Variants in MAPK14 observed in about 807,000 individuals in gnomAD.
The protein encoded by MAPK14 is mitogen-activated protein kinase 14.
Under a neutral mutation model 49.6 loss-of-function variants are expected in MAPK14, and 16 were observed. That is an observed-to-expected ratio of 0.32 (90% CI 0.22 to 0.49). The LOEUF (loss-of-function observed/expected upper bound fraction) is 0.49, where lower values mean the gene tolerates loss of function less well. Among genes scored for constraint, MAPK14 ranks in the 20% least tolerant of loss-of-function variants. MAPK14 has a pLI of 0.99. For missense variants in MAPK14, 200 were observed against 441.2 expected (o/e 0.45, Z 4.90); for synonymous variants, 142 against 158.0 (o/e 0.90, Z 0.76).
At chr6:36,044,539 G>T (rs1019815209) in intron 1 of MAPK14, among the ~76,000 whole-genome samples, 1 of 152,102 alleles carries the variant, frequency 6.6e-6, no homozygotes. Flanking sequence ...TGCCCATCAT[G>T]GAATATAAAC....
intron 8 of MAPK14, among the ~76,000 whole-genome samples, chr6:36,090,142 T>C (rs1180385720): frequency 6.6e-6 from 1 of 152,104 alleles, no homozygotes; most frequent in African/African-American, 2.4e-5. Context: ...TATATATTTT[T>C]TTTTATTTCT....
At chr6:36,123,833 G>A in the MAPK14 span, among the ~76,000 whole-genome samples, 1 of 152,212 alleles carries the variant, frequency 6.6e-6, no homozygotes, top group Non-Finnish European at 1.5e-5. Flanking sequence ...GGGTGGAGTG[G>A]AGGGTGACAT....
chr6:36,042,357 T>C (rs536347427), intron 1 of MAPK14, among the ~76,000 whole-genome samples: 1 of 152,286 alleles, frequency 6.6e-6, no homozygotes, highest in African/African-American at 2.4e-5. Flanking sequence ...ACAAATGTAT[T>C]GCTTTGTCAA....
intron 3 of MAPK14, among the ~76,000 whole-genome samples, chr6:36,061,736 A>G (rs917314857): frequency 1.3e-5 from 2 of 152,208 alleles, no homozygotes; most frequent in African/African-American, 4.8e-5. Flanking sequence ...GCACTTTTGT[A>G]TCCAAGCTAC....
At chr6:36,122,064 C>T in the MAPK14 span, among the ~76,000 whole-genome samples, 1 of 152,254 alleles carries the variant, frequency 6.6e-6, no homozygotes, top group Non-Finnish European at 1.5e-5. Flanking sequence ...TAAGGTCACA[C>T]AGCAAATTAG....
chr6:36,033,880 T>G (rs1333619756), intron 1 of MAPK14, among the ~76,000 whole-genome samples: 2 of 152,190 alleles, frequency 1.3e-5, no homozygotes, highest in East Asian at 3.8e-4. Context: ...TTTTGCAGTT[T>G]ATAAAGTGTT....
chr6:36,028,331 C>A lies in MAPK14; in HGVS notation c.116+58C>A. 1.6e-6 allele frequency: 2 copies of A among 1,220,746 alleles called. No individual in the cohort carries two copies. The highest frequency in any genetic ancestry group is 2.4e-6 in the Non-Finnish European group (2 of 825,852). The allele number at this position is 1,220,746 out of a possible 1,614,324, so 75.6% of individuals were successfully genotyped here. A position where few individuals can be genotyped will look rare whatever the true frequency, so the allele number is the denominator to read the frequency against. On this transcript the variant is annotated intron_variant, in intron 1 of 11. Coordinates refer to ENST00000229794, the MANE Select transcript of MAPK14 (RefSeq NM_139012.3). This position sits in a 1 kb window ranked among gnomAD's most constrained non-coding sequence, Gnocchi z 5.1. ...CAGGGTGGCCCCTCGCGCCCGAGGGCCAGGCCTGCTCCACTGCTCAGCGTT... is the reference window on the plus strand; with the variant it reads ...CAGGGTGGCCCCTCGCGCCCGAGGGACAGGCCTGCTCCACTGCTCAGCGTT...
At chr6:36,039,661 A>G (rs1156945066) in intron 1 of MAPK14, among the ~76,000 whole-genome samples, 2 of 152,082 alleles carry the variant, frequency 1.3e-5, no homozygotes, top group Non-Finnish European at 2.9e-5. Context: ...ACTATACTAG[A>G]TATTTTGTTT....
the MAPK14 span, among the ~76,000 whole-genome samples, chr6:36,123,956 A>G: frequency 6.6e-6 from 1 of 151,788 alleles, no homozygotes; most frequent in Non-Finnish European, 1.5e-5. Context: ...CCGAACCCAG[A>G]AGGCTGGCTG....
intron 3 of MAPK14, among the ~76,000 whole-genome samples, chr6:36,066,569 A>T (rs1764066401): frequency 6.6e-6 from 1 of 152,220 alleles, no homozygotes; most frequent in Non-Finnish European, 1.5e-5. Context: ...ACTGTGTCCG[A>T]AGAAACAAAT....
At chr6:36,114,890 T>A (rs1162833521), downstream of MAPK14, among the ~76,000 whole-genome samples, 1 of 152,174 alleles carries the variant, frequency 6.6e-6, no homozygotes, top group East Asian at 1.9e-4. Flanking sequence ...CAAATCTCAA[T>A]GTGCCTGGTG....
At chr6:36,101,439 A>C (rs994940934) in intron 9 of MAPK14, among the ~76,000 whole-genome samples, 1 of 152,060 alleles carries the variant, frequency 6.6e-6, no homozygotes, top group African/African-American at 2.4e-5. Flanking sequence ...CTGTGTCTCT[A>C]AAAAAATTTT....
chr6:36,086,316 G>T (rs768213212), intron 8 of MAPK14, among the ~76,000 whole-genome samples: 2 of 152,172 alleles, frequency 1.3e-5, no homozygotes, highest in Non-Finnish European at 2.9e-5. Flanking sequence ...GAGTGGAACT[G>T]AAGGAGATAG....
intron 2 of MAPK14, among the ~76,000 whole-genome samples, chr6:36,054,702 T>G (rs907706220): frequency 6.6e-6 from 1 of 152,222 alleles, no homozygotes; most frequent in Non-Finnish European, 1.5e-5. Flanking sequence ...GTTAGGTGCT[T>G]ATAATGTCAA....
chr6:36,095,450 G>A (rs1000494608), intron 8 of MAPK14, among the ~76,000 whole-genome samples: 1 of 152,206 alleles, frequency 6.6e-6, no homozygotes, highest in African/African-American at 2.4e-5. Flanking sequence ...TCAGGCTTTG[G>A]GGTCTCACAG....
At chr6:36,111,588 A>G (rs998070658), downstream of MAPK14, among the ~76,000 whole-genome samples, 1 of 152,180 alleles carries the variant, frequency 6.6e-6, no homozygotes, top group African/African-American at 2.4e-5. Flanking sequence ...GTCCTTGAAA[A>G]TATTCTTCAG....
chr6:36,119,813 G>A, the MAPK14 span, among the ~76,000 whole-genome samples: 6 of 152,244 alleles, frequency 3.9e-5, no homozygotes, highest in Admixed American at 2.0e-4. Flanking sequence ...CAGCAGTGCC[G>A]AGGCTGAGAA....
intron 9 of MAPK14, chr6:36,096,505 C>T (rs1384461368): frequency 6.4e-6 from 1 of 156,684 alleles, no homozygotes; most frequent in Non-Finnish European, 1.4e-5. Context: ...TTTAGTTTAA[C>T]TTAATCACTA....
chr6:36,072,791 C>CA, intron 3 of MAPK14, 82 bp from the exon 4 acceptor site: 1 of 805,762 alleles, frequency 1.2e-6, no homozygotes, highest in Non-Finnish European at 2.0e-6. Flanking sequence ...CCAAAAAAAC[C>CA]AAAAAACTTA....
Sources: allele counts gnomAD v4.1 joint callset (sites outside exome capture counted in the v4.1 genomes callset), GRCh38; gene constraint gnomAD v4.1.1; non-coding constraint Gnocchi (gnomAD v3.1); transcripts MANE v1.5; gene names NCBI Gene and HGNC (gene_info 2026-07-23, HGNC 2026-07-21).